Variants in CNDP1 observed in about 807,000 individuals in gnomAD.
CNDP1 encodes the protein beta-Ala-His dipeptidase.
In CNDP1, 44 loss-of-function variants were observed where a neutral mutation model predicts 58.1. That is an observed-to-expected ratio of 0.76 (90% CI 0.60 to 0.97). The LOEUF is 0.97. Among genes scored for constraint, CNDP1 ranks in the 50% least tolerant of loss-of-function variants. The pLI is 0.00. For synonymous variants in CNDP1, 254 were observed against 252.6 expected, an observed-to-expected ratio of 1.01 and a Z score of -0.05; for missense variants, 616 against 655.1, an observed-to-expected ratio of 0.94 and a Z score of 0.65.
intron 5 of CNDP1, 113 bp downstream of exon 5, chr18:74,562,248 C>A: frequency 1.1e-6 from 1 of 898,170 alleles, no homozygotes; most frequent in Non-Finnish European, 1.8e-6. Context: ...CTCGCCCCAA[C>A]AATCTTTGGA....
At chr18:74,562,970 T>G (rs1353647318) in intron 5 of CNDP1, among the ~76,000 whole-genome samples, 1 of 151,990 alleles carries the variant, frequency 6.6e-6, no homozygotes, top group East Asian at 1.9e-4. Context: ...AGCCCTGGGG[T>G]CTGGTTTCAT....
At chr18:74,544,550 C>T (rs1980708006) in intron 1 of CNDP1, among the ~76,000 whole-genome samples, 1 of 151,874 alleles carries the variant, frequency 6.6e-6, no homozygotes, top group Non-Finnish European at 1.5e-5. Flanking sequence ...AACCCCATCT[C>T]TACTAAAAAT....
intron 2 of CNDP1, among the ~76,000 whole-genome samples, chr18:74,556,798 T>A (rs1323366286): frequency 6.6e-6 from 1 of 152,222 alleles, no homozygotes; most frequent in African/African-American, 2.4e-5. Flanking sequence ...CTGACGTTAT[T>A]GTAAGGCCTG....
At chr18:74,561,517 T>C (rs1201189078) in intron 4 of CNDP1, 1 of 155,864 alleles carries the variant, frequency 6.4e-6, no homozygotes, top group Non-Finnish European at 1.4e-5. Context: ...CGGTAAACTT[T>C]TGTGTCCCTG....
intron 1 of CNDP1, among the ~76,000 whole-genome samples, chr18:74,550,666 T>C (rs548282377): frequency 8.0e-5 from 12 of 149,100 alleles, no homozygotes; most frequent in African/African-American, 3.0e-4. Context: ...AAGCTCTGCC[T>C]CCTGGGTTCA....
At chr18:74,555,698 G>T (rs1457818320) in intron 1 of CNDP1, among the ~76,000 whole-genome samples, 3 of 152,130 alleles carry the variant, frequency 2.0e-5, no homozygotes, top group African/African-American at 4.8e-5. Flanking sequence ...CAGGGTTGTG[G>T]TTGGGTCTCT....
intron 1 of CNDP1, among the ~76,000 whole-genome samples, chr18:74,550,868 G>A (rs992168012): frequency 6.6e-6 from 1 of 151,932 alleles, no homozygotes; most frequent in Non-Finnish European, 1.5e-5. Flanking sequence ...CCAAAGTGCT[G>A]GGATTACAGA....
intron 1 of CNDP1, among the ~76,000 whole-genome samples, chr18:74,553,813 C>T (rs567109778): frequency 5.9e-5 from 9 of 152,330 alleles, no homozygotes; most frequent in East Asian, 1.9e-4. Context: ...CAAGCTTACC[C>T]TTCCTTCCCA....
At chr18:74,580,747 C>T (rs918483456) in intron 10 of CNDP1, among the ~76,000 whole-genome samples, 11 of 152,120 alleles carry the variant, frequency 7.2e-5, no homozygotes, top group Non-Finnish European at 1.5e-4. Flanking sequence ...GCAGGAGGAT[C>T]GCGTGAGCTC....
intron 7 of CNDP1, among the ~76,000 whole-genome samples, chr18:74,571,887 C>T (rs1169241876): frequency 6.6e-6 from 1 of 152,130 alleles, no homozygotes; most frequent in Non-Finnish European, 1.5e-5. Context: ...CCTGTACGAC[C>T]TTGGTAAGTT....
At chr18:74,579,769 T>G (rs1981741111) in intron 9 of CNDP1, among the ~76,000 whole-genome samples, 1 of 152,216 alleles carries the variant, frequency 6.6e-6, no homozygotes, top group Non-Finnish European at 1.5e-5. Context: ...AGAGAAGTCC[T>G]GCTGTGTTAG....
At chr18:74,546,301 G>C (rs916880374) in intron 1 of CNDP1, among the ~76,000 whole-genome samples, 1 of 152,090 alleles carries the variant, frequency 6.6e-6, no homozygotes, top group African/African-American at 2.4e-5. Flanking sequence ...CATTGTTCCC[G>C]TTACCATCAC....
At chr18:74,565,290 C>A (rs1007120220) in intron 5 of CNDP1, among the ~76,000 whole-genome samples, 1 of 152,272 alleles carries the variant, frequency 6.6e-6, no homozygotes, top group East Asian at 1.9e-4. Flanking sequence ...CCACCCCTGG[C>A]CCCTCCAAAT....
At position 74,537,425 on chromosome 18, in the gene CNDP1, G is replaced by A. The variant is rs556046405; in HGVS notation, c.24+2734G>A. 1.4e-4 allele frequency among the ~76,000 whole-genome samples: 22 copies of A among 152,174 alleles called. No individual in the cohort carries two copies. In the South Asian group the frequency reaches 2.7e-3, roughly 19 times the overall value. ...TCCTTTTCCATTGCTTGTTTTTGTC[G>A]CTATTGCTGACTTATTACCATCACC... is the stretch of plus-strand genomic sequence containing the variant. On this transcript the variant is annotated intron_variant, in intron 1 of 11. Coordinates refer to ENST00000358821, the MANE Select transcript of CNDP1 (RefSeq NM_032649.6).
Position 74,560,859 on chromosome 18 carries a change from C to T in CNDP1, c.307C>T (p.Pro103Ser). ...GTGATTCCTGATCATTCTGCAGCTG[C>T]CCGATGGTCAGAGTCTTCCAATACC... ...ASVDMGPQQL[P>S]DGQSLPIPPV... Residue 103 changes from proline to serine, a missense_variant, in exon 4 of 12, where the codon CCC becomes TCC. Pro to Ser is a moderately conservative substitution (Grantham distance 74, BLOSUM62 -1). Transcript: ENST00000358821. 6.2e-7 allele frequency: 1 copy of T among 1,612,042 alleles called. No homozygotes were observed. Among genetic ancestry groups the T allele is most frequent in the Non-Finnish European group, 8.5e-7 (1 of 1,178,234 alleles).
chr18:74,557,634 CAT>C lies in CNDP1; in HGVS notation c.153+1169_153+1170del, dbSNP rs554785659. Among the ~76,000 whole-genome samples, 468 of 152,206 alleles carry C rather than the reference CAT, an allele frequency of 3.1e-3. 2 individuals carry two copies. The highest frequency in any genetic ancestry group is 6.8e-3 in the Middle Eastern group (2 of 294). On this transcript the variant is annotated intron_variant, in intron 2 of 11. Coordinates refer to ENST00000358821, the MANE Select transcript of CNDP1 (RefSeq NM_032649.6). ...ATATGTATCCCCACACACCCCCACA[CAT>C]GTGCACACTGATGTGTTGTTGTCTG...
chr18:74,573,197 CT>C (rs554073525), intron 7 of CNDP1, among the ~76,000 whole-genome samples: 74 of 152,078 alleles, frequency 4.9e-4, no homozygotes, highest in African/African-American at 1.7e-3. Flanking sequence ...CATTATCTAT[CT>C]ATCCATCTAC....
At chr18:74,576,577 C>G (rs570207189) in intron 7 of CNDP1, 2 of 329,884 alleles carry the variant, frequency 6.1e-6, no homozygotes, top group Non-Finnish European at 1.1e-5. Context: ...GAACATGATG[C>G]AGGTAACTCA....
intron 1 of CNDP1, among the ~76,000 whole-genome samples, chr18:74,549,765 AGGCCTAGGAGGACTAAAT>A (rs1980853299): frequency 6.6e-6 from 1 of 152,238 alleles, no homozygotes; most frequent in African/African-American, 2.4e-5. Context: ...ACAGGCCCAG[AGGCCTAGGAGGACTAAAT>A]GGTTCCATGG....
Sources: gnomAD v4.1 joint callset for allele counts (sites outside exome capture counted in the v4.1 genomes callset) on GRCh38, gnomAD v4.1.1 for gene constraint, MANE v1.5 for transcripts, NCBI Gene and HGNC (gene_info 2026-07-23, HGNC 2026-07-21) for gene names.